The following MAPK6 variants were observed in gnomAD, a reference collection of about 807,000 sequenced individuals.
MAPK6 encodes ERK-3.
In MAPK6, 19 loss-of-function variants were observed where a neutral mutation model predicts 59.3. The ratio of observed to expected loss-of-function variants is 0.32; its 90% CI spans 0.22 to 0.47. The LOEUF is 0.47. Ranked by LOEUF, MAPK6 falls within the 20% of genes least tolerant of loss-of-function variation. The pLI, the probability that MAPK6 is intolerant of heterozygous loss-of-function variation, is 1.00. For missense variants in MAPK6, 724 were observed against 847.9 expected (o/e 0.85, Z 1.81); for synonymous variants, 316 against 290.3 (o/e 1.09, Z -0.90).
intron 2 of MAPK6, among the ~76,000 whole-genome samples, chr15:51,991,346 A>T (rs2057208209): frequency 6.6e-6 from 1 of 152,088 alleles, no homozygotes; most frequent in African/African-American, 2.4e-5. Flanking sequence ...AAACACCTTC[A>T]CTTTGCTGTC....
intron 3 of MAPK6, among the ~76,000 whole-genome samples, chr15:52,007,895 G>A (rs1199600532): frequency 6.8e-6 from 1 of 147,964 alleles, no homozygotes; most frequent in Non-Finnish European, 1.5e-5. Flanking sequence ...CACCCAGGCT[G>A]GAGTGCAATG....
intron 2 of MAPK6, among the ~76,000 whole-genome samples, chr15:52,049,575 A>G (rs1354421407): frequency 1.4e-5 from 2 of 147,548 alleles, no homozygotes; most frequent in Non-Finnish European, 3.0e-5. Context: ...TGATCCACCT[A>G]CCTCGGCCTC....
At chr15:51,984,683 C>T (rs1372983871) in intron 2 of MAPK6, among the ~76,000 whole-genome samples, 2 of 150,872 alleles carry the variant, frequency 1.3e-5, no homozygotes, top group South Asian at 4.2e-4. Context: ...ACAACCAGTT[C>T]TCCGGGGGGG....
intron 1 of MAPK6, among the ~76,000 whole-genome samples, chr15:51,979,822 A>T (rs915817826): frequency 6.6e-6 from 1 of 151,464 alleles, no homozygotes; most frequent in Non-Finnish European, 1.5e-5. Context: ...AAATGTGAAT[A>T]TGTGTGTGTG....
At position 52,066,439 on chromosome 15, in the gene MAPK6, C is replaced by CTGTT. The variant is rs1205456246; in HGVS notation, c.*1440_*1443dup. On this transcript the variant is annotated 3_prime_UTR_variant, in exon 6 of 6. Coordinates refer to ENST00000261845, the MANE Select transcript of MAPK6 (RefSeq NM_002748.4). Reference sequence around the variant, plus strand: ...AATAAAGCTTTATAATATTTCAAAACTGTTAGGTAAAATGTGTAGTTGAAA... The same window carrying CTGTT: ...AATAAAGCTTTATAATATTTCAAAACTGTTTGTTAGGTAAAATGTGTAGTTGAAA... 2.0e-5 allele frequency: 3 copies of CTGTT among 152,160 alleles called. No individual in the cohort carries two copies. The highest frequency in any genetic ancestry group is 2.9e-5 in the Non-Finnish European group (2 of 68,010). The allele number at this position is 152,160 out of a possible 1,614,324, so 9.4% of individuals were successfully genotyped here.
intron 1 of MAPK6, among the ~76,000 whole-genome samples, chr15:52,043,934 C>T (rs1292563108): frequency 1.3e-5 from 2 of 151,464 alleles, no homozygotes; most frequent in Non-Finnish European, 2.9e-5. Context: ...CGCCACCACG[C>T]CTGGCTACTT....
At chr15:52,020,065 T>G (rs2030459039) in intron 1 of MAPK6, 1 of 152,282 alleles carries the variant, frequency 6.6e-6, no homozygotes, top group African/African-American at 2.4e-5. Context: ...ATTCCTAATT[T>G]CCTCCCTCGG....
upstream of MAPK6, chr15:52,018,003 G>A (rs1203745923): frequency 1.3e-5 from 2 of 151,978 alleles, no homozygotes; most frequent in Non-Finnish European, 2.9e-5. Context: ...AAGCATTCAA[G>A]CTCACCCCAA....
At chr15:51,989,026 C>T (rs1419869833) in intron 2 of MAPK6, among the ~76,000 whole-genome samples, 1 of 151,958 alleles carries the variant, frequency 6.6e-6, no homozygotes, top group Non-Finnish European at 1.5e-5. Flanking sequence ...TATGTAATTC[C>T]AGTTAGGGCC....
At chr15:52,057,537 TAGTG>T (rs753524798) in intron 3 of MAPK6, among the ~76,000 whole-genome samples, 1 of 141,808 alleles carries the variant, frequency 7.1e-6, no homozygotes, top group Non-Finnish European at 1.5e-5. Flanking sequence ...TTCCACTTCT[TAGTG>T]AGGCCTTCCT....
intron 2 of MAPK6, among the ~76,000 whole-genome samples, chr15:52,048,018 G>A (rs1390066013): frequency 6.6e-6 from 1 of 152,154 alleles, no homozygotes; most frequent in Non-Finnish European, 1.5e-5. Flanking sequence ...GGACCCTGAT[G>A]TTTAAATTAG....
chr15:52,054,112 A>G lies in MAPK6; in HGVS notation c.700+3975A>G, dbSNP rs868376772. ...GCTGGGCGCGGTGGCTCACACCTGT[A>G]ATCCCAGCGCTTTGGGATGCGGAGG... is the stretch of plus-strand genomic sequence containing the variant. On this transcript the variant is annotated intron_variant, in intron 3 of 5. Coordinates refer to ENST00000261845, the MANE Select transcript of MAPK6 (RefSeq NM_002748.4). Among the ~76,000 whole-genome samples, 21 of 152,012 alleles carry G rather than the reference A, an allele frequency of 1.4e-4. No individual in the cohort carries two copies. In the South Asian group the frequency reaches 2.1e-3, roughly 15 times the overall value.
At chr15:52,012,998 AAAAAAAAAAAAAAAAAAAAAAAATAT>A (rs1390721593) in intron 3 of MAPK6, among the ~76,000 whole-genome samples, 6 of 15,578 alleles carry the variant, frequency 3.9e-4, no homozygotes, top group South Asian at 3.6e-3. Flanking sequence ...AAAAAAAAAA[AAAAAAAAAAAAAAAAAAAAAAAATAT>A]ATATATATAT....
upstream of MAPK6, among the ~76,000 whole-genome samples, chr15:52,014,478 G>A (rs2030175713): frequency 6.6e-6 from 1 of 152,072 alleles, no homozygotes; most frequent in Non-Finnish European, 1.5e-5. Context: ...TGGGAGGCCT[G>A]AGGCAGGAGG....
chr15:52,030,611 C>CT (rs11295636), intron 1 of MAPK6, among the ~76,000 whole-genome samples: 603 of 35,762 alleles, frequency 0.017, 193 homozygotes, highest in Middle Eastern at 0.071. Context: ...CAGAAGAAGG[C>CT]TTTTTTTTTT....
At chr15:52,061,745 TCTG>T (rs2032210931) in intron 5 of MAPK6, among the ~76,000 whole-genome samples, 2 of 152,180 alleles carry the variant, frequency 1.3e-5, no homozygotes, top group South Asian at 2.1e-4. Flanking sequence ...TGCATTCCAG[TCTG>T]GGCAATAGAG....
intron 1 of MAPK6, among the ~76,000 whole-genome samples, chr15:52,025,878 A>C (rs2030754107): frequency 6.6e-6 from 1 of 152,248 alleles, no homozygotes; most frequent in Non-Finnish European, 1.5e-5. Flanking sequence ...TCTAAGCTGT[A>C]ATTTAATAAC....
intron 2 of MAPK6, among the ~76,000 whole-genome samples, chr15:52,048,991 T>C (rs2031689329): frequency 6.6e-6 from 1 of 152,224 alleles, no homozygotes; most frequent in Non-Finnish European, 1.5e-5. Context: ...TGACTCCATT[T>C]CTACATCCAA....
intron 2 of MAPK6, among the ~76,000 whole-genome samples, chr15:51,987,192 A>T (rs890411085): frequency 6.6e-6 from 1 of 152,252 alleles, no homozygotes; most frequent in Non-Finnish European, 1.5e-5. Flanking sequence ...AGAAAAGTCT[A>T]GATTACTTTT....
Sources: gnomAD v4.1 joint callset for allele counts (sites outside exome capture counted in the v4.1 genomes callset) on GRCh38, gnomAD v4.1.1 for gene constraint, MANE v1.5 for transcripts, NCBI Gene and HGNC (gene_info 2026-07-23, HGNC 2026-07-21) for gene names.